Variants in RORA observed in about 807,000 individuals in gnomAD.
RORA encodes nuclear receptor ROR-alpha.
RORA carries 7 observed loss-of-function variants against 69.5 expected under a neutral mutation model. The ratio of observed to expected loss-of-function variants is 0.10; its 90% CI spans 0.06 to 0.19. The LOEUF (loss-of-function observed/expected upper bound fraction) is 0.19, where lower values mean the gene tolerates loss of function less well. RORA is among the 10% of genes least tolerant of loss of function. The pLI, the probability that RORA is intolerant of heterozygous loss-of-function variation, is 1.00. For synonymous variants in RORA, 261 were observed against 240.8 expected (o/e 1.08, Z -0.78); for missense variants, 457 against 663.0 (o/e 0.69, Z 3.41).
chr15:60,657,216 T>C (rs187499712), intron 2 of RORA, among the ~76,000 whole-genome samples: 144 of 152,268 alleles, frequency 9.5e-4, no homozygotes, highest in South Asian at 9.3e-3. Context: ...CCTACGCATT[T>C]CTGCCTTCTC....
chr15:60,743,164 A>G (rs1164495695), intron 1 of RORA, among the ~76,000 whole-genome samples: 1 of 151,700 alleles, frequency 6.6e-6, no homozygotes, highest in African/African-American at 2.4e-5. Context: ...ACAGATATGT[A>G]CCACCATGCC....
At chr15:60,851,123 C>T (rs868434304) in intron 1 of RORA, among the ~76,000 whole-genome samples, 1 of 152,142 alleles carries the variant, frequency 6.6e-6, no homozygotes, top group Non-Finnish European at 1.5e-5. Context: ...CCTGCTAGCA[C>T]CACCGCTTGA....
intron 1 of RORA, among the ~76,000 whole-genome samples, chr15:61,035,758 C>A (rs189325404): frequency 1.2e-3 from 179 of 152,280 alleles, no homozygotes; most frequent in African/African-American, 3.7e-3. Context: ...TCATAACTCT[C>A]CCCAAAGAAG....
intron 1 of RORA, among the ~76,000 whole-genome samples, chr15:60,716,721 G>C (rs982796417): frequency 2.0e-5 from 3 of 152,072 alleles, no homozygotes; most frequent in Admixed American, 6.6e-5. Context: ...TCCTCAGAGA[G>C]AGTCCCACCC....
chr15:60,894,694 G>C (rs1205476993), intron 1 of RORA, among the ~76,000 whole-genome samples: 1 of 152,192 alleles, frequency 6.6e-6, no homozygotes, highest in African/African-American at 2.4e-5. Flanking sequence ...CAGGTCTGGG[G>C]CAAGGCCTGA....
intron 1 of RORA, among the ~76,000 whole-genome samples, chr15:60,707,656 C>A (rs1048430693): frequency 1.3e-5 from 2 of 152,180 alleles, no homozygotes; most frequent in African/African-American, 4.8e-5. Flanking sequence ...AGCCACCGCA[C>A]CTGGCCCACG....
chr15:60,559,217 A>C (rs1268004788), intron 2 of RORA, among the ~76,000 whole-genome samples: 1 of 152,202 alleles, frequency 6.6e-6, no homozygotes, highest in Non-Finnish European at 1.5e-5. Context: ...TAATGCTCTG[A>C]AGGCCTTCTA....
intron 1 of RORA, among the ~76,000 whole-genome samples, chr15:60,902,292 T>TAA (rs66474752): frequency 2.7e-5 from 4 of 150,262 alleles, no homozygotes; most frequent in Non-Finnish European, 4.5e-5. Context: ...TTTTTTTTTT[T>TAA]TAAAAAACAG....
At chr15:61,208,025 C>T (rs1174246565) in intron 1 of RORA, among the ~76,000 whole-genome samples, 1 of 152,184 alleles carries the variant, frequency 6.6e-6, no homozygotes, top group East Asian at 1.9e-4. Context: ...CACAAAGCTC[C>T]GGCCTCTTCT....
intron 1 of RORA, among the ~76,000 whole-genome samples, chr15:61,050,792 T>C (rs1897255052): frequency 6.6e-6 from 1 of 152,216 alleles, no homozygotes; most frequent in Non-Finnish European, 1.5e-5. Context: ...AGGATTGCTC[T>C]TTAATTCTTA....
At chr15:60,532,513 G>C (rs2066555798) in intron 2 of RORA, among the ~76,000 whole-genome samples, 1 of 152,108 alleles carries the variant, frequency 6.6e-6, no homozygotes. Context: ...TTTAGTTCCT[G>C]GTACAGAGGG....
chr15:60,730,296 C>T (rs1233481119), intron 1 of RORA, among the ~76,000 whole-genome samples: 1 of 152,186 alleles, frequency 6.6e-6, no homozygotes, highest in Non-Finnish European at 1.5e-5. Flanking sequence ...CAGCTGGAAA[C>T]TTTGAGGTTA....
At chr15:60,815,142 T>C (rs548626239) in intron 1 of RORA, among the ~76,000 whole-genome samples, 1 of 152,318 alleles carries the variant, frequency 6.6e-6, no homozygotes, top group East Asian at 1.9e-4. Flanking sequence ...ACCCAACTTG[T>C]GGAGGAGTGG....
intron 2 of RORA, chr15:60,615,125 A>G (rs1157758773): frequency 2.9e-5 from 42 of 1,461,314 alleles, no homozygotes; most frequent in South Asian, 1.3e-4. Flanking sequence ...ACAGCCACCC[A>G]AGTCCTAATG....
chr15:61,102,460 G>C (rs2078893484), intron 1 of RORA, among the ~76,000 whole-genome samples: 1 of 152,148 alleles, frequency 6.6e-6, no homozygotes, highest in Non-Finnish European at 1.5e-5. Context: ...AGGACCTCTG[G>C]CCTCCCAAGC....
At chr15:60,728,434 C>G (rs2071391573) in intron 1 of RORA, among the ~76,000 whole-genome samples, 1 of 152,046 alleles carries the variant, frequency 6.6e-6, no homozygotes, top group Non-Finnish European at 1.5e-5. Flanking sequence ...CTTCAGTTAC[C>G]TATTCAGTTG....
At chr15:60,505,417 T>C (rs1456475597) in intron 6 of RORA, 91 bp downstream of exon 6, 1 of 1,225,710 alleles carries the variant, frequency 8.2e-7, no homozygotes, top group Non-Finnish European at 1.2e-6. Context: ...ATTCATTCTT[T>C]AGTCTGTGTG....
intron 2 of RORA, among the ~76,000 whole-genome samples, chr15:60,606,558 A>G (rs2068951443): frequency 6.6e-6 from 1 of 152,194 alleles, no homozygotes; most frequent in Non-Finnish European, 1.5e-5. Flanking sequence ...TGTGTGTGAT[A>G]ATTATTTTTA....
rs1366766409 is a variant in RORA at position 60,534,711 on chromosome 15, A to G, written c.197-2860T>C. ...TCTCAGATGACAATTTCAGTTGCAA[A>G]TGCACTTTAGGAAATGACTAAAATC... On this transcript the variant is annotated intron_variant, in intron 2 of 10. Transcript: ENST00000335670. This position sits in a 1 kb window ranked among gnomAD's most constrained non-coding sequence, Gnocchi z 5.0. Among the ~76,000 whole-genome samples, 2 of 152,042 alleles carry G rather than the reference A, an allele frequency of 1.3e-5. No homozygotes were observed. The highest frequency in any genetic ancestry group is 3.9e-4 in the East Asian group (2 of 5,170).
Sources: allele counts gnomAD v4.1 joint callset (sites outside exome capture counted in the v4.1 genomes callset), GRCh38; gene constraint gnomAD v4.1.1; non-coding constraint Gnocchi (gnomAD v3.1); transcripts MANE v1.5; gene names NCBI Gene and HGNC (gene_info 2026-07-23, HGNC 2026-07-21).